Variants in CLIP1 observed in about 807,000 individuals in gnomAD.
The protein encoded by CLIP1 is CAP-Gly domain-containing linker protein 1.
Under a neutral mutation model 161.6 loss-of-function variants are expected in CLIP1, and 66 were observed. That is an observed-to-expected ratio of 0.41 (90% CI 0.33 to 0.50). The LOEUF is 0.50. CLIP1 is among the 20% of genes least tolerant of loss of function. CLIP1 has a pLI of 0.27. For missense variants in CLIP1, 1,376 were observed against 1,702.0 expected (o/e 0.81, Z 3.37); for synonymous variants, 598 against 626.2 (o/e 0.96, Z 0.67).
intron 25 of CLIP1, 83 bp downstream of exon 25, chr12:122,273,955 C>T: frequency 8.1e-7 from 1 of 1,238,862 alleles, no homozygotes; most frequent in Non-Finnish European, 1.2e-6. Flanking sequence ...TGGTCTCGAA[C>T]TCCTGACCCT....
At chr12:122,351,605 G>T (rs1394513180) in intron 8 of CLIP1, among the ~76,000 whole-genome samples, 1 of 152,172 alleles carries the variant, frequency 6.6e-6, no homozygotes, top group African/African-American at 2.4e-5. Context: ...TCAAATTTAA[G>T]CATGGTGTGG....
chr12:122,374,635 G>C (rs1051942177), intron 3 of CLIP1, among the ~76,000 whole-genome samples: 4 of 151,970 alleles, frequency 2.6e-5, no homozygotes, highest in African/African-American at 7.3e-5. Context: ...GGTGGTGGGC[G>C]CCTGTAATCC....
intron 1 of CLIP1, among the ~76,000 whole-genome samples, chr12:122,395,170 A>G (rs371224885): frequency 1.3e-5 from 2 of 152,360 alleles, no homozygotes; most frequent in South Asian, 4.1e-4. Context: ...CGTAGCAAAT[A>G]GAGCTACTGA....
intron 15 of CLIP1, among the ~76,000 whole-genome samples, chr12:122,329,253 G>T (rs936267995): frequency 3.3e-4 from 50 of 152,134 alleles, no homozygotes; most frequent in African/African-American, 1.1e-3. Context: ...CTTGAGTCGG[G>T]TAGACAGAGG....
In CLIP1 at chr12:122,341,115, C is replaced by T; in HGVS notation, c.2089G>A (p.Ala697Thr). Residue 697 changes from alanine (A) to threonine (T), a missense_variant, in exon 11 of 26, where the codon GCT becomes ACT. Physicochemically the swap from Ala to Thr is moderately conservative, Grantham distance 58. This residue lies in a region of CLIP1 where 948 missense variants were observed against 1,134.8 expected (regional missense o/e 0.84). Coordinates refer to ENST00000620786, the MANE Select transcript of CLIP1 (RefSeq NM_001247997.2). Reference sequence around the variant, plus strand: ...TCTTTAATAACTTTCATCAGTTTAGCCCTCAAGGCTTCCATCTCTTTAGCA... The same window carrying T: ...TCTTTAATAACTTTCATCAGTTTAGTCCTCAAGGCTTCCATCTCTTTAGCA... ...AHAKEMEALR[A>T]KLMKVIKEKE... 1 of 1,614,100 alleles carries T rather than the reference C, an allele frequency of 6.2e-7. No individual in the cohort carries two copies. Among genetic ancestry groups the T allele is most frequent in the Non-Finnish European group, 8.5e-7 (1 of 1,180,026 alleles).
At chr12:122,398,025 A>G (rs1182133262) in intron 1 of CLIP1, among the ~76,000 whole-genome samples, 1 of 152,134 alleles carries the variant, frequency 6.6e-6, no homozygotes, top group Non-Finnish European at 1.5e-5. Flanking sequence ...CTTATATGGT[A>G]TAGTGGCAAG....
intron 3 of CLIP1, among the ~76,000 whole-genome samples, chr12:122,367,907 A>T (rs1050158810): frequency 3.3e-5 from 5 of 152,086 alleles, no homozygotes; most frequent in African/African-American, 1.2e-4. Context: ...GATCCCAGCT[A>T]CTGAGGCTGC....
intron 1 of CLIP1, among the ~76,000 whole-genome samples, chr12:122,382,331 C>T (rs1305642673): frequency 2.6e-5 from 4 of 151,072 alleles, no homozygotes; most frequent in Non-Finnish European, 4.4e-5. Flanking sequence ...ATTGCACTCC[C>T]GCCTGGGCAA....
intron 1 of CLIP1, among the ~76,000 whole-genome samples, chr12:122,383,304 T>G (rs1955088875): frequency 6.6e-6 from 1 of 152,212 alleles, no homozygotes; most frequent in African/African-American, 2.4e-5. Context: ...AGGGAGCTGT[T>G]GGGCTCACGT....
intron 24 of CLIP1, chr12:122,276,382 C>CACACACACACA (rs1555253511): frequency 1.7e-6 from 2 of 1,160,594 alleles, no homozygotes; most frequent in South Asian, 1.4e-5. Context: ...TAGTGGGAAA[C>CACACACACACA]CACACACACA....
At chr12:122,402,668 C>A (rs1351204557) in intron 1 of CLIP1, among the ~76,000 whole-genome samples, 1 of 151,958 alleles carries the variant, frequency 6.6e-6, no homozygotes, top group Non-Finnish European at 1.5e-5. Context: ...CCCACCTACT[C>A]CGGAGGCTGA....
At chr12:122,333,413 A>G (rs1241053277) in intron 14 of CLIP1, among the ~76,000 whole-genome samples, 1 of 152,228 alleles carries the variant, frequency 6.6e-6, no homozygotes, top group Non-Finnish European at 1.5e-5. Context: ...AGGTGCTGAC[A>G]TTTCAGGGAA....
intron 11 of CLIP1, among the ~76,000 whole-genome samples, chr12:122,340,138 A>G (rs1306255844): frequency 6.7e-6 from 1 of 149,840 alleles, no homozygotes; most frequent in Non-Finnish European, 1.5e-5. Context: ...AGTGCAGTGG[A>G]ATAATCTCAG....
At position 122,372,573 on chromosome 12, in the gene CLIP1, G is replaced by A. The variant is rs78296273; in HGVS notation, c.657+4816C>T. On this transcript the variant is annotated intron_variant, in intron 3 of 25. Transcript: ENST00000620786. ...CTGCACTCCAGCTGGGCAAAAGAGC[G>A]AGATTCCATCTTGATTAAAAAAAAA... is the stretch of plus-strand genomic sequence containing the variant. 5.8e-4 allele frequency among the ~76,000 whole-genome samples: 88 copies of A among 150,930 alleles called. 1 individual carries two copies. In the East Asian group the frequency reaches 0.013, roughly 23 times the overall value.
chr12:122,312,274 T>C (rs1215179116), intron 19 of CLIP1, among the ~76,000 whole-genome samples: 7 of 152,242 alleles, frequency 4.6e-5, no homozygotes, highest in Admixed American at 4.6e-4. Flanking sequence ...TGCCCTTTTT[T>C]CCCTAAGATC....
rs1555253521 is a variant in CLIP1, at chr12:122,276,407, T to TACACACACACACACACACACACACACAC, written c.3966+1746_3966+1747insGTGTGTGTGTGTGTGTGTGTGTGTGTGT. 4 of 917,904 alleles carry TACACACACACACACACACACACACACAC rather than the reference T, an allele frequency of 4.4e-6. No homozygotes were observed. The African/African-American group carries it at 2.0e-4, about 47-fold the overall frequency. 56.9% of individuals were successfully genotyped at this position (917,904 alleles called of 1,614,324 possible). ...CCACACACACACACACACACACACG[T>TACACACACACACACACACACACACACAC]GTGCACGCAAATTAGGAAACATGAA... On this transcript the variant is annotated intron_variant, in intron 24 of 25. Coordinates refer to ENST00000620786, the MANE Select transcript of CLIP1 (RefSeq NM_001247997.2).
chr12:122,276,477 T>A (rs1384050683), intron 24 of CLIP1: 10 of 1,288,592 alleles, frequency 7.8e-6, no homozygotes, highest in Non-Finnish European at 1.0e-5. Context: ...CAGCAGCAGA[T>A]GAAACAAACC....
chr12:122,379,209 G>A (rs1954887053), intron 2 of CLIP1, among the ~76,000 whole-genome samples: 1 of 151,978 alleles, frequency 6.6e-6, no homozygotes, highest in Admixed American at 6.6e-5. Flanking sequence ...TCTGGAGGCT[G>A]AGGCAGGAGA....
chr12:122,343,457 A>G (rs911172226), intron 10 of CLIP1: 1 of 152,112 alleles, frequency 6.6e-6, no homozygotes, highest in African/African-American at 2.4e-5. Flanking sequence ...TTAAAACACA[A>G]AGTAAGAATG....
Sources: gnomAD v4.1 joint callset for allele counts (sites outside exome capture counted in the v4.1 genomes callset) on GRCh38, gnomAD v4.1.1 for gene constraint, gnomAD v4.1.1 regional missense constraint, MANE v1.5 for transcripts, NCBI Gene and HGNC (gene_info 2026-07-23, HGNC 2026-07-21) for gene names.